LRP1B: variants seen among roughly 807,000 people sequenced by gnomAD.
LRP1B encodes LDL receptor related protein 1B.
Under a neutral mutation model 556.6 loss-of-function variants are expected in LRP1B, and 217 were observed. The observed-to-expected ratio is 0.39, with a 90% CI of 0.35 to 0.44. The LOEUF (loss-of-function observed/expected upper bound fraction) is 0.44. Ranked by LOEUF, LRP1B falls within the 20% of genes least tolerant of loss-of-function variation. The pLI, the probability that LRP1B is intolerant of heterozygous loss-of-function variation, is 1.00. For missense variants in LRP1B, 5,053 were observed against 5,620.8 expected, an observed-to-expected ratio of 0.90 and a Z score of 3.23; for synonymous variants, 2,047 against 1,865.8, an observed-to-expected ratio of 1.10 and a Z score of -2.50.
Position 140,851,654 on chromosome 2 carries a change from T to C in LRP1B, c.4709A>G (p.Tyr1570Cys), listed in dbSNP as rs1166488707. 5 of 1,607,998 alleles carry C rather than the reference T, an allele frequency of 3.1e-6. No homozygotes were observed. The highest frequency in any genetic ancestry group is 1.7e-4 in the Middle Eastern group (1 of 6,046). Residue 1570 changes from tyrosine to cysteine, a missense_variant and splice_region_variant, in exon 28 of 91, where the codon TAT (tyrosine) becomes TGT (cysteine). Coordinates refer to ENST00000389484, the MANE Select transcript of LRP1B (RefSeq NM_018557.3). Reference protein sequence around the residue: ...MKLSSDKKTCYEMKKFLLYAR... With the variant: ...MKLSSDKKTCCEMKKFLLYAR... ...GATTAGAACTGTAAGAAATTTACCA[T>C]AGCAGGTCTTCTTGTCTGAAGAAAG...
At chr2:141,827,879 C>T (rs142693142) in intron 1 of LRP1B, among the ~76,000 whole-genome samples, 21 of 151,860 alleles carry the variant, frequency 1.4e-4, no homozygotes, top group Admixed American at 9.2e-4. Context: ...TATGTCTTTA[C>T]GTATAATATT....
intron 25 of LRP1B, among the ~76,000 whole-genome samples, chr2:140,876,587 G>A (rs751971324): frequency 1.3e-5 from 2 of 152,092 alleles, no homozygotes; most frequent in Non-Finnish European, 2.9e-5. Context: ...TCCCTGTACA[G>A]GGTTCCTGAC....
intron 20 of LRP1B, among the ~76,000 whole-genome samples, chr2:140,942,905 C>T (rs1407029120): frequency 6.6e-6 from 1 of 152,066 alleles, no homozygotes; most frequent in African/African-American, 2.4e-5. Flanking sequence ...CTAATAGCAC[C>T]ATGATAGAAC....
chr2:141,013,781 T>G, intron 13 of LRP1B, 36 bp from the exon 14 acceptor site: 1 of 1,302,204 alleles, frequency 7.7e-7, no homozygotes. Flanking sequence ...AAATCAGAAC[T>G]GACCTTTAGA....
chr2:141,013,699 T>A lies in LRP1B; in HGVS notation c.2237A>T (p.His746Leu), dbSNP rs757749621. The A allele has an allele frequency of 1.9e-6, 3 of 1,603,600 alleles. No homozygotes were observed. The South Asian group carries it at 3.4e-5, about 18-fold the overall frequency. The change falls in exon 14 of 91, where the codon CAT becomes CTT. Residue 746 changes from histidine (H) to leucine (L), a missense_variant. His to Leu is a moderately conservative substitution (Grantham distance 99). This residue lies in a region of LRP1B where 3,619 missense variants were observed against 3,931.9 expected (regional missense o/e 0.92). Transcript: ENST00000389484. ...RELNHPFGLS[H>L]HGNYVFWTDY... ...AGTCCAGAACACATAATTTCCATGATGCGACAGTCCGAAAGGGTGGTTCAA... is the reference window on the plus strand; with the variant it reads ...AGTCCAGAACACATAATTTCCATGAAGCGACAGTCCGAAAGGGTGGTTCAA...
chr2:141,211,066 C>A (rs1321885662), intron 6 of LRP1B, among the ~76,000 whole-genome samples: 1 of 152,084 alleles, frequency 6.6e-6, no homozygotes, highest in South Asian at 2.1e-4. Flanking sequence ...CAGCTCACTG[C>A]AACCTCTGCC....
At chr2:141,452,126 T>A (rs1204622407) in intron 3 of LRP1B, among the ~76,000 whole-genome samples, 1 of 152,182 alleles carries the variant, frequency 6.6e-6, no homozygotes, top group Admixed American at 6.5e-5. Context: ...AAGAATTCAC[T>A]TGGAGTTTGT....
At chr2:141,804,807 C>A (rs554301967) in intron 2 of LRP1B, among the ~76,000 whole-genome samples, 168 of 152,000 alleles carry the variant, frequency 1.1e-3, no homozygotes, top group Non-Finnish European at 2.0e-3. Context: ...TTCCATTGTA[C>A]AGATGGGATA....
rs751868449 is a variant in LRP1B at position 140,385,944 on chromosome 2, G to A, written c.10480C>T (p.Arg3494Trp). ...KNNNCIPDHW[R>W]CDSQNDCSDN... The stretch of plus-strand genomic sequence containing the variant: ...CTGCAGTCATTTTGGCTATCACACC[G>A]CCAGTGATCGGGAATACAGTTGTTG... The change falls in exon 67 of 91, where the codon CGG becomes TGG. Residue 3494 changes from arginine to tryptophan, a missense_variant. By Grantham distance (101) the Arg-to-Trp change is moderately radical (BLOSUM62 -3). Around this residue, in one of 5 missense-constraint regions of LRP1B, gnomAD observed 262 missense variants for 395.1 expected, o/e 0.66. Coordinates refer to ENST00000389484, the MANE Select transcript of LRP1B (RefSeq NM_018557.3). The A allele has an allele frequency of 9.9e-6, 16 of 1,613,424 alleles. No individual in the cohort carries two copies. The highest frequency in any genetic ancestry group is 7.7e-5 in the South Asian group (7 of 91,040).
chr2:140,748,044 A>G (rs1688376394), intron 35 of LRP1B, among the ~76,000 whole-genome samples: 1 of 142,664 alleles, frequency 7.0e-6, no homozygotes, highest in Admixed American at 7.4e-5. Context: ...ATGTGATACC[A>G]AGAGCTGTTA....
At chr2:141,362,895 T>A (rs903847762) in intron 3 of LRP1B, among the ~76,000 whole-genome samples, 20 of 152,322 alleles carry the variant, frequency 1.3e-4, no homozygotes, top group Admixed American at 1.0e-3. Flanking sequence ...TTCATTCATT[T>A]ATTAATTCAT....
chr2:141,818,287 A>G (rs1311795225), intron 1 of LRP1B, among the ~76,000 whole-genome samples: 3 of 152,186 alleles, frequency 2.0e-5, no homozygotes, highest in Non-Finnish European at 4.4e-5. Flanking sequence ...AACAAGAACA[A>G]TGTTAGTTAT....
At chr2:141,590,664 C>G (rs67328235) in intron 2 of LRP1B, among the ~76,000 whole-genome samples, 12,160 of 152,236 alleles carry the variant, frequency 0.08, 565 homozygotes, top group South Asian at 0.14. Flanking sequence ...TTTCAATTGA[C>G]AATCCCTGTC....
At chr2:140,579,526 G>A (rs1681673445) in intron 43 of LRP1B, among the ~76,000 whole-genome samples, 1 of 152,076 alleles carries the variant, frequency 6.6e-6, no homozygotes, top group African/African-American at 2.4e-5. Flanking sequence ...TCTTGCCCTT[G>A]GAGAGACATC....
intron 3 of LRP1B, among the ~76,000 whole-genome samples, chr2:141,405,072 G>A (rs1375973135): frequency 2.6e-5 from 4 of 151,688 alleles, no homozygotes; most frequent in Admixed American, 2.0e-4. Context: ...CAGCCTGGGC[G>A]ACAAGAGCGA....
intron 41 of LRP1B, among the ~76,000 whole-genome samples, chr2:140,651,729 C>A (rs577880711): frequency 6.6e-6 from 1 of 152,070 alleles, no homozygotes; most frequent in South Asian, 2.1e-4. Context: ...ATGAGGGAGT[C>A]ATGAACACTG....
intron 14 of LRP1B, among the ~76,000 whole-genome samples, chr2:141,006,592 G>A (rs370651567): frequency 1.3e-5 from 2 of 151,910 alleles, no homozygotes; most frequent in Non-Finnish European, 2.9e-5. Context: ...TACACAAACC[G>A]AGATAGTAGA....
At chr2:140,972,099 G>T (rs907237314) in intron 18 of LRP1B, among the ~76,000 whole-genome samples, 1 of 152,150 alleles carries the variant, frequency 6.6e-6, no homozygotes, top group Non-Finnish European at 1.5e-5. Flanking sequence ...CCACTTTTCT[G>T]CAGACTGGGC....
chr2:141,283,043 C>T (rs1685567374), intron 3 of LRP1B, among the ~76,000 whole-genome samples: 1 of 152,102 alleles, frequency 6.6e-6, no homozygotes. Flanking sequence ...AGATGCCTAG[C>T]ATGGTGCCTT....
Sources: gnomAD v4.1 joint callset for allele counts (sites outside exome capture counted in the v4.1 genomes callset) on GRCh38, gnomAD v4.1.1 for gene constraint, gnomAD v4.1.1 regional missense constraint, MANE v1.5 for transcripts, NCBI Gene and HGNC (gene_info 2026-07-23, HGNC 2026-07-21) for gene names.